NAA40: variants seen among roughly 807,000 people sequenced by gnomAD.
NAA40 encodes the protein N-alpha-acetyltransferase 40.
In NAA40, 26 loss-of-function variants were observed where a neutral mutation model predicts 36.6. That is an observed-to-expected ratio of 0.71 (90% confidence interval 0.52 to 0.98). The LOEUF (loss-of-function observed/expected upper bound fraction) is 0.98. Among genes scored for constraint, NAA40 ranks in the 50% least tolerant of loss-of-function variants. The probability of loss-of-function intolerance (pLI) is 0.00; values close to 1 mark genes in which losing one functional copy is unlikely to be tolerated. For missense variants in NAA40, 237 were observed against 306.5 expected (o/e 0.77, Z 1.69); for synonymous variants, 129 against 108.4 (o/e 1.19, Z -1.18).
At chr11:63,954,142 G>T (rs903848238) in intron 7 of NAA40, 93 bp downstream of exon 7, 1 of 1,438,398 alleles carries the variant, frequency 7.0e-7, no homozygotes, top group Non-Finnish European at 9.7e-7. Context: ...TGATGCCTGA[G>T]CTCATGGTCC....
At chr11:63,945,449 C>G (rs1565170640) in intron 1 of NAA40, among the ~76,000 whole-genome samples, 2 of 152,202 alleles carry the variant, frequency 1.3e-5, no homozygotes, top group East Asian at 3.9e-4. Context: ...TAGATGCTGT[C>G]TCCTCCCTGA....
At chr11:63,945,289 C>A (rs1942168687) in intron 1 of NAA40, among the ~76,000 whole-genome samples, 1 of 152,182 alleles carries the variant, frequency 6.6e-6, no homozygotes, top group African/African-American at 2.4e-5. Flanking sequence ...GGGAATGGCT[C>A]TGTGTCCTTG....
chr11:63,940,788 G>A (rs1942096803), intron 1 of NAA40, among the ~76,000 whole-genome samples: 1 of 151,774 alleles, frequency 6.6e-6, no homozygotes, highest in South Asian at 2.1e-4. Flanking sequence ...AACAGTCATC[G>A]TGTTTTAACA....
intron 3 of NAA40, among the ~76,000 whole-genome samples, chr11:63,950,085 C>T (rs1015704251): frequency 1.2e-4 from 18 of 150,572 alleles, no homozygotes; most frequent in Non-Finnish European, 2.4e-4. Context: ...AGAATATATG[C>T]AGCTCAGTAA....
At chr11:63,948,306 C>T (rs1454574311) in intron 3 of NAA40, among the ~76,000 whole-genome samples, 1 of 152,178 alleles carries the variant, frequency 6.6e-6, no homozygotes, top group Non-Finnish European at 1.5e-5. Flanking sequence ...GGAGTTTCCC[C>T]TGACAGCTGA....
Position 63,954,824 on chromosome 11 carries a change from C to G in NAA40, c.*345C>G, listed in dbSNP as rs925333418. ...TAGATTCCTGGCAACCTCCCCTCCC[C>G]TGACACATACACACTTGGACAAATG... On this transcript the variant is annotated 3_prime_UTR_variant, in exon 8 of 8. Transcript: ENST00000377793. 1 of 200,348 alleles carries G rather than the reference C, an allele frequency of 5.0e-6. No individual in the cohort carries two copies. Among genetic ancestry groups the G allele is most frequent in the South Asian group, 1.7e-4 (1 of 5,790 alleles). 12.4% of individuals were successfully genotyped at this position (200,348 alleles called of 1,614,324 possible). A position where few individuals can be genotyped will look rare whatever the true frequency, so the allele number is the denominator to read the frequency against.
intron 1 of NAA40, 142 bp from the exon 2 acceptor site, chr11:63,945,697 TC>T: frequency 1.4e-6 from 1 of 726,066 alleles, no homozygotes; most frequent in South Asian, 1.6e-5. Context: ...TTTCCGCCCC[TC>T]CAAATGTGTG....
chr11:63,939,050 C>CT lies in NAA40; in HGVS notation c.-46dup, dbSNP rs1942062172. 6.2e-7 allele frequency: 1 copy of CT among 1,601,620 alleles called. No homozygotes were observed. Among genetic ancestry groups the CT allele is most frequent in the South Asian group, 1.1e-5 (1 of 90,642 alleles). ...TGCAGCCACCGCCGTTGCCGCCTCC[C>CT]TGCCGGCAAGTGTGTGAAGAAGAAG... On this transcript the variant is annotated 5_prime_UTR_variant, in exon 1 of 8. Transcript: ENST00000377793.
intron 3 of NAA40, among the ~76,000 whole-genome samples, chr11:63,947,299 C>T (rs1374336997): frequency 2.0e-5 from 3 of 151,866 alleles, no homozygotes; most frequent in Admixed American, 6.6e-5. Context: ...CCCAGCTACT[C>T]GGGAGGCTGA....
At chr11:63,944,902 CAAAA>C (rs113133922) in intron 1 of NAA40, among the ~76,000 whole-genome samples, 1 of 126,102 alleles carries the variant, frequency 7.9e-6, no homozygotes. Flanking sequence ...GACTCCATCT[CAAAA>C]AAAAAAAAAA....
At position 63,955,871 on chromosome 11, in the gene NAA40, C is replaced by T. The variant is rs1243929479; in HGVS notation, c.*1392C>T. 3 of 152,298 alleles carry T rather than the reference C, an allele frequency of 2.0e-5. No homozygotes were observed. Among genetic ancestry groups the T allele is most frequent in the African/African-American group, 7.2e-5 (3 of 41,476 alleles). 9.4% of individuals were successfully genotyped at this position (152,298 alleles called of 1,614,324 possible). On this transcript the variant is annotated 3_prime_UTR_variant, in exon 8 of 8. Transcript: ENST00000377793. Reference sequence around the variant, plus strand: ...AGCTCCCTTTGGATATCCCTGAGCTCTGCTGTGGGGAGTATCATAAAGGTT... The same window carrying T: ...AGCTCCCTTTGGATATCCCTGAGCTTTGCTGTGGGGAGTATCATAAAGGTT...
intron 7 of NAA40, 52 bp downstream of exon 7, chr11:63,954,101 C>A: frequency 6.3e-7 from 1 of 1,575,208 alleles, no homozygotes. Flanking sequence ...CTGCCCAGGG[C>A]CATTTTTCTG....
Position 63,952,259 on chromosome 11 carries a change from T to C in NAA40, c.177T>C (p.Cys59=), listed in dbSNP as rs1590758555. 1 of 1,613,028 alleles carries C rather than the reference T, an allele frequency of 6.2e-7. No homozygotes were observed. The highest frequency in any genetic ancestry group is 2.2e-5 in the East Asian group (1 of 44,884). Residue 59 remains cysteine, a synonymous_variant, in exon 4 of 8, where the codon TGT becomes TGC. Coordinates refer to ENST00000377793, the MANE Select transcript of NAA40 (RefSeq NM_024771.4). ...TCAGGTTGAATGTCTCCATTGAATG[T>C]AAGCGAGTGTCTGGACTGGAGCCAG... ...DRNGLNVSIE[C]KRVSGLEPAT... is the part of the protein sequence containing the mutation.
chr11:63,952,374 G>C, intron 4 of NAA40, 33 bp from the exon 5 acceptor site: 1 of 1,613,238 alleles, frequency 6.2e-7, no homozygotes, highest in Non-Finnish European at 8.5e-7. Flanking sequence ...TCCTCTCGCA[G>C]CTTTCCCGTC....
At chr11:63,950,142 CA>C (rs1420286420) in intron 3 of NAA40, among the ~76,000 whole-genome samples, 5 of 130,928 alleles carry the variant, frequency 3.8e-5, no homozygotes, top group Non-Finnish European at 3.1e-5. Context: ...TTTTTTGAGA[CA>C]GAGTCTCGCT....
rs763892928 is a variant in NAA40, at chr11:63,952,836, A to G, written c.491A>G (p.Asn164Ser). 13 of 1,613,928 alleles carry G rather than the reference A, an allele frequency of 8.1e-6. No homozygotes were observed. ...FLIQILQLMANSTQMKKVMLT... is the reference protein window; with the variant it reads ...FLIQILQLMASSTQMKKVMLT... ...ATACAGATCCTGCAGCTCATGGCCA[A>G]CAGGTAAGGCCTCCCTTCTTAGGAG... is the stretch of plus-strand genomic sequence containing the variant. Residue 164 changes from asparagine (N) to serine (S), a missense_variant, in exon 6 of 8, where the codon AAC becomes AGC. Coordinates refer to ENST00000377793, the MANE Select transcript of NAA40 (RefSeq NM_024771.4).
chr11:63,942,334 G>A (rs901143291), intron 1 of NAA40, among the ~76,000 whole-genome samples: 2 of 152,162 alleles, frequency 1.3e-5, no homozygotes, highest in Admixed American at 1.3e-4. Flanking sequence ...TTAAAGCACC[G>A]GCAGAAGATC....
chr11:63,939,743 A>C (rs1942076124), intron 1 of NAA40, among the ~76,000 whole-genome samples: 1 of 151,936 alleles, frequency 6.6e-6, no homozygotes, highest in South Asian at 2.1e-4. Context: ...AATGGTTCTT[A>C]CGACCGCTTG....
At position 63,957,063 on chromosome 11, in the gene NAA40, A is replaced by T. The variant is rs562218058; in HGVS notation, c.*2584A>T. On this transcript the variant is annotated 3_prime_UTR_variant, in exon 8 of 8. Transcript: ENST00000377793. ...TTTGGAGCATGTTAAGATTTTTTTA[A>T]GATTTTTAAAATTTTAGTTATATCC... is the stretch of plus-strand genomic sequence containing the variant. 5.4e-4 allele frequency: 82 copies of T among 151,710 alleles called. No homozygotes were observed. Among genetic ancestry groups the T allele is most frequent in the African/African-American group, 2.0e-3 (81 of 41,388 alleles). The allele number at this position is 151,710 out of a possible 1,614,324, so 9.4% of individuals were successfully genotyped here.
Sources: gnomAD v4.1 joint callset for allele counts (sites outside exome capture counted in the v4.1 genomes callset) on GRCh38, gnomAD v4.1.1 for gene constraint, MANE v1.5 for transcripts, NCBI Gene and HGNC (gene_info 2026-07-23, HGNC 2026-07-21) for gene names.